The following ADAMTSL1 variants were observed in gnomAD, a reference collection of about 807,000 sequenced individuals.
ADAMTSL1 encodes ADAMTS-like protein 1.
A neutral mutation model predicts 201.8 loss-of-function variants in ADAMTSL1; 126 were observed. The observed-to-expected ratio is 0.62, with a 90% CI of 0.54 to 0.72. The LOEUF is 0.72. Among genes scored for constraint, ADAMTSL1 ranks in the 30% least tolerant of loss-of-function variants. The pLI, the probability that ADAMTSL1 is intolerant of heterozygous loss-of-function variation, is 0.00. For synonymous variants in ADAMTSL1, 1,121 were observed against 903.4 expected, an observed-to-expected ratio of 1.24 and a Z score of -4.32; for missense variants, 2,679 against 2,277.8, an observed-to-expected ratio of 1.18 and a Z score of -3.59.
At chr9:17,971,433 G>A (rs1485857817) in intron 1 of ADAMTSL1, among the ~76,000 whole-genome samples, 2 of 152,014 alleles carry the variant, frequency 1.3e-5, no homozygotes, top group Non-Finnish European at 2.9e-5. Flanking sequence ...GTGATATTAA[G>A]TGGGCTTTTA....
At chr9:18,698,376 T>C (rs1831697843) in intron 13 of ADAMTSL1, among the ~76,000 whole-genome samples, 1 of 152,072 alleles carries the variant, frequency 6.6e-6, no homozygotes, top group Non-Finnish European at 1.5e-5. Flanking sequence ...CTCCACCTCC[T>C]GAGTTCAAGT....
chr9:18,649,422 T>C (rs1031150696), intron 7 of ADAMTSL1, among the ~76,000 whole-genome samples: 4 of 152,248 alleles, frequency 2.6e-5, no homozygotes, highest in African/African-American at 9.6e-5. Context: ...TTTGTTCCGT[T>C]GCTGGTGAGG....
intron 13 of ADAMTSL1, among the ~76,000 whole-genome samples, chr9:18,706,367 C>T (rs1019534048): frequency 2.0e-5 from 3 of 152,138 alleles, no homozygotes; most frequent in Non-Finnish European, 4.4e-5. Context: ...CGGCTTCTTT[C>T]CAGCATCCTA....
intron 1 of ADAMTSL1, among the ~76,000 whole-genome samples, chr9:18,100,317 A>G (rs1033827993): frequency 6.6e-6 from 1 of 152,102 alleles, no homozygotes. Context: ...GTCTTGCTCT[A>G]TCACCCAGGC....
intron 22 of ADAMTSL1, among the ~76,000 whole-genome samples, chr9:18,827,995 G>T (rs1168145092): frequency 6.6e-6 from 1 of 152,156 alleles, no homozygotes; most frequent in East Asian, 1.9e-4. Context: ...ATTTTTAAAG[G>T]GGGCATTTTG....
At chr9:18,332,224 T>G (rs1835057512) in intron 2 of ADAMTSL1, among the ~76,000 whole-genome samples, 1 of 152,224 alleles carries the variant, frequency 6.6e-6, no homozygotes, top group African/African-American at 2.4e-5. Context: ...GACCATGTTA[T>G]CTTACATAGA....
chr9:17,932,158 G>A (rs912746895), intron 1 of ADAMTSL1, among the ~76,000 whole-genome samples: 5 of 152,264 alleles, frequency 3.3e-5, no homozygotes, highest in Non-Finnish European at 7.4e-5. Context: ...GTGGGATTTC[G>A]GGAGCCTCTC....
chr9:18,230,296 G>T (rs1219030302), intron 2 of ADAMTSL1, among the ~76,000 whole-genome samples: 1 of 152,080 alleles, frequency 6.6e-6, no homozygotes, highest in Non-Finnish European at 1.5e-5. Flanking sequence ...GCTTTTCCTG[G>T]ATTCAATATG....
intron 14 of ADAMTSL1, among the ~76,000 whole-genome samples, chr9:18,719,619 C>T (rs1458021626): frequency 3.3e-5 from 5 of 152,238 alleles, no homozygotes; most frequent in African/African-American, 7.2e-5. Context: ...CCACCCTGGC[C>T]TCCCAAAGTG....
chr9:18,881,483 C>T (rs1415271127), intron 23 of ADAMTSL1, among the ~76,000 whole-genome samples: 1 of 152,172 alleles, frequency 6.6e-6, no homozygotes, highest in Non-Finnish European at 1.5e-5. Flanking sequence ...TTCAGATGAG[C>T]AGTCAGAATA....
intron 1 of ADAMTSL1, among the ~76,000 whole-genome samples, chr9:18,060,682 G>T (rs1464943395): frequency 1.3e-5 from 2 of 152,054 alleles, no homozygotes; most frequent in Non-Finnish European, 2.9e-5. Flanking sequence ...ATTTTAGTCA[G>T]GTTAACTACT....
intron 12 of ADAMTSL1, among the ~76,000 whole-genome samples, chr9:18,683,508 G>A (rs538814637): frequency 6.6e-5 from 10 of 152,050 alleles, no homozygotes; most frequent in South Asian, 2.1e-4. Context: ...GATTACAGGC[G>A]TGAGCCTCCA....
chr9:18,703,701 CATATAT>C (rs72258520), intron 13 of ADAMTSL1, among the ~76,000 whole-genome samples: 1,123 of 78,822 alleles, frequency 0.014, 49 homozygotes, highest in East Asian at 0.04. Flanking sequence ...TGCGCACATA[CATATAT>C]ATATATATAT....
intron 1 of ADAMTSL1, among the ~76,000 whole-genome samples, chr9:17,947,984 T>G (rs1166518938): frequency 6.6e-6 from 1 of 152,150 alleles, no homozygotes; most frequent in African/African-American, 2.4e-5. Flanking sequence ...CTTGGACAGA[T>G]TGTGGTCATG....
Position 18,892,414 on chromosome 9 carries a change from T to G in ADAMTSL1, c.4669T>G (p.Cys1557Gly), listed in dbSNP as rs1424827649. ...SRWMVTSWSA[C>G]TRSCGGGVQT... The stretch of plus-strand genomic sequence containing the variant: ...GTGGATGGTGACCTCCTGGTCTGCC[T>G]GTACCCGGAGCTGTGGGGGAGGTGT... The change falls in exon 26 of 29, where the codon TGT (cysteine) becomes GGT (glycine). Residue 1557 changes from cysteine (C) to glycine (G), a missense_variant. Cys to Gly is a radical substitution (Grantham distance 159). Coordinates refer to ENST00000380548, the MANE Select transcript of ADAMTSL1 (RefSeq NM_001040272.6). 1 of 1,613,426 alleles carries G rather than the reference T, an allele frequency of 6.2e-7. No individual in the cohort carries two copies. The highest frequency in any genetic ancestry group is 1.7e-5 in the Admixed American group (1 of 59,992).
At chr9:18,897,444 C>T (rs1389351461) in intron 26 of ADAMTSL1, among the ~76,000 whole-genome samples, 3 of 152,196 alleles carry the variant, frequency 2.0e-5, no homozygotes, top group Non-Finnish European at 4.4e-5. Context: ...GGTCTCCAGA[C>T]ACCTCCTACA....
chr9:18,577,354 C>T (rs1455594337), intron 4 of ADAMTSL1, among the ~76,000 whole-genome samples: 1 of 152,130 alleles, frequency 6.6e-6, no homozygotes, highest in East Asian at 1.9e-4. Context: ...GGCGTGATGG[C>T]AGGTGCTCGT....
chr9:18,296,328 A>C (rs1165960345), intron 2 of ADAMTSL1, among the ~76,000 whole-genome samples: 3 of 152,212 alleles, frequency 2.0e-5, no homozygotes, highest in Non-Finnish European at 4.4e-5. Context: ...AGCTGTAATA[A>C]AATAAAAAAA....
chr9:18,433,466 TA>T (rs1819586889), intron 2 of ADAMTSL1, among the ~76,000 whole-genome samples: 1 of 152,282 alleles, frequency 6.6e-6, no homozygotes, highest in African/African-American at 2.4e-5. Context: ...TTTAATGTAA[TA>T]TTGCCATTAA....
Sources: allele counts gnomAD v4.1 joint callset (sites outside exome capture counted in the v4.1 genomes callset), GRCh38; gene constraint gnomAD v4.1.1; transcripts MANE v1.5; gene names NCBI Gene and HGNC (gene_info 2026-07-23, HGNC 2026-07-21).